The following TSC1 variants were observed in gnomAD, a reference collection of about 807,000 sequenced individuals.
The protein encoded by TSC1 is hamartin.
In TSC1, 20 loss-of-function variants were observed where a neutral mutation model predicts 124.3. That is an observed-to-expected ratio of 0.16 (90% confidence interval 0.11 to 0.23). TSC1 has a LOEUF of 0.23. Ranked by LOEUF, TSC1 falls within the 10% of genes least tolerant of loss-of-function variation. TSC1 has a pLI of 1.00. For missense variants in TSC1, 1,124 were observed against 1,448.5 expected, an observed-to-expected ratio of 0.78 and a Z score of 3.64; for synonymous variants, 493 against 539.1, an observed-to-expected ratio of 0.91 and a Z score of 1.19.
rs35234317 is a variant in TSC1 at position 132,908,901 on chromosome 9, C to CTTTTTTTTTTTTTTTTTTTTTTTTTTTT, written c.1264-1532_1264-1531insAAAAAAAAAAAAAAAAAAAAAAAAAAAA. Among the ~76,000 whole-genome samples, 260 of 121,436 alleles carry CTTTTTTTTTTTTTTTTTTTTTTTTTTTT rather than the reference C, an allele frequency of 2.1e-3. 12 individuals are homozygous for CTTTTTTTTTTTTTTTTTTTTTTTTTTTT. Among genetic ancestry groups the CTTTTTTTTTTTTTTTTTTTTTTTTTTTT allele is most frequent in the African/African-American group, 2.7e-3 (81 of 30,136 alleles). The allele number at this position is 121,436 out of a possible 152,430, so 79.7% of individuals were successfully genotyped here. A position where few individuals can be genotyped will look rare whatever the true frequency, so the allele number is the denominator to read the frequency against. On this transcript the variant is annotated intron_variant, in intron 12 of 22. Transcript: ENST00000298552. ...TTAAAACCCACTAGTCTACCTTGCACTTTTTTTTTTTTTTTTTGTGACAGT... is the reference window on the plus strand; with the variant it reads ...TTAAAACCCACTAGTCTACCTTGCACTTTTTTTTTTTTTTTTTTTTTTTTTTTTTTTTTTTTTTTTTTTTTGTGACAGT...
At position 132,917,077 on chromosome 9, in the gene TSC1, T is replaced by A. The variant is rs531684523; in HGVS notation, c.737+4286A>T. Among the ~76,000 whole-genome samples the A allele has an allele frequency of 1.9e-4, 29 of 152,322 alleles. 1 individual carries two copies. Among genetic ancestry groups the A allele is most frequent in the African/African-American group, 6.7e-4 (28 of 41,568 alleles). ...AGTTGAAAACCTTTTTCTCTCAATT[T>A]TGAAGGTATTTCAGAAGCTAACAGC... is the stretch of plus-strand genomic sequence containing the variant. On this transcript the variant is annotated intron_variant, in intron 8 of 22. Transcript: ENST00000298552.
intron 12 of TSC1, among the ~76,000 whole-genome samples, chr9:132,908,747 CAA>C (rs1178570820): frequency 6.6e-6 from 1 of 151,492 alleles, no homozygotes; most frequent in Non-Finnish European, 1.5e-5. Context: ...CGCCCAGCCG[CAA>C]AAAGTAAACG....
At position 132,925,748 on chromosome 9, in the gene TSC1, G is replaced by A. The variant is rs2132240309; in HGVS notation, c.211-9C>T. 1 of 1,614,182 alleles carries A rather than the reference G, an allele frequency of 6.2e-7. No homozygotes were observed. Among genetic ancestry groups the A allele is most frequent in the South Asian group, 1.1e-5 (1 of 91,080 alleles). Reference sequence around the variant, plus strand: ...ATCCTGTCCAAGAGGTGCTGAAAATGTAAAAGAACAAGGGCAGTCCTCACA... The same window carrying A: ...ATCCTGTCCAAGAGGTGCTGAAAATATAAAAGAACAAGGGCAGTCCTCACA... On this transcript the variant is annotated splice_polypyrimidine_tract_variant and intron_variant, in intron 4 of 22. Coordinates refer to ENST00000298552, the MANE Select transcript of TSC1 (RefSeq NM_000368.5).
rs2132272238 is a variant in TSC1 at position 132,927,324 on chromosome 9, A to T, written c.107-20T>A. 1 of 1,607,722 alleles carries T rather than the reference A, an allele frequency of 6.2e-7. No individual in the cohort carries two copies. Among genetic ancestry groups the T allele is most frequent in the Non-Finnish European group, 8.5e-7 (1 of 1,175,256 alleles). On this transcript the variant is annotated intron_variant, in intron 3 of 22. Transcript: ENST00000298552. ...CACGGTCTAAATCAAGAAAAGGGCA[A>T]TGGATGATACTTATTCCCCTTAACA...
intron 1 of TSC1, among the ~76,000 whole-genome samples, chr9:132,935,856 C>A (rs1237051301): frequency 1.3e-5 from 2 of 152,198 alleles, no homozygotes; most frequent in African/African-American, 2.4e-5. Flanking sequence ...TCAGAGAAGA[C>A]CTCCTAGGCC....
intron 18 of TSC1, 39 bp from the exon 19 acceptor site, chr9:132,901,738 C>T (rs2131712703): frequency 6.3e-7 from 1 of 1,596,134 alleles, no homozygotes; most frequent in Non-Finnish European, 8.6e-7. Flanking sequence ...TGAGGAACAC[C>T]AACAGGCCAG....
rs768974460 is a variant in TSC1, at chr9:132,906,705, A to T, written c.1438+26T>A. The T allele has an allele frequency of 1.3e-6, 2 of 1,586,806 alleles. No individual in the cohort carries two copies. The highest frequency in any genetic ancestry group is 8.6e-7 in the Non-Finnish European group (1 of 1,158,000). Reference sequence around the variant, plus strand: ...GCAGAGCGAGGGTCAGGTTTTATCAACTCATAGCAATCCCACATACATTAC... The same window carrying T: ...GCAGAGCGAGGGTCAGGTTTTATCATCTCATAGCAATCCCACATACATTAC... On this transcript the variant is annotated intron_variant, in intron 14 of 22. Transcript: ENST00000298552. This position sits in a 1 kb window ranked among gnomAD's most constrained non-coding sequence, Gnocchi z 4.1.
intron 1 of TSC1, among the ~76,000 whole-genome samples, chr9:132,937,871 T>C (rs934134874): frequency 7.2e-5 from 11 of 152,088 alleles, no homozygotes; most frequent in Admixed American, 2.0e-4. Context: ...CGCACCACCA[T>C]GCCCAACTAA....
In TSC1 at chr9:132,923,667, A is replaced by G; in HGVS notation, c.364-175T>C. 1.2e-6 allele frequency: 1 copy of G among 864,472 alleles called. No homozygotes were observed. Among genetic ancestry groups the G allele is most frequent in the Non-Finnish European group, 1.8e-6 (1 of 550,856 alleles). 53.6% of individuals were successfully genotyped at this position (864,472 alleles called of 1,614,324 possible). On this transcript the variant is annotated intron_variant, in intron 5 of 22. Coordinates refer to ENST00000298552, the MANE Select transcript of TSC1 (RefSeq NM_000368.5). This position sits in a 1 kb window ranked among gnomAD's most constrained non-coding sequence, Gnocchi z 4.2. Reference sequence around the variant, plus strand: ...GAAGGGATAACATTCAAACAGACTCAACAGAACACTGAGCCCCAACTCTAC... The same window carrying G: ...GAAGGGATAACATTCAAACAGACTCGACAGAACACTGAGCCCCAACTCTAC...
chr9:132,923,900 C>G lies in TSC1; in HGVS notation c.364-408G>C, dbSNP rs984449946. 6.7e-6 allele frequency among the ~76,000 whole-genome samples: 1 copy of G among 150,056 alleles called. No homozygotes were observed. The highest frequency in any genetic ancestry group is 2.5e-5 in the African/African-American group (1 of 40,316). On this transcript the variant is annotated intron_variant, in intron 5 of 22. Transcript: ENST00000298552. This position sits in a 1 kb window ranked among gnomAD's most constrained non-coding sequence, Gnocchi z 4.2. ...ATTCAACCAAATCCTAAGATACTTA[C>G]TTTTTGTTAATTAAAAAAAAAAAAA...
intron 8 of TSC1, among the ~76,000 whole-genome samples, chr9:132,915,190 G>C (rs1564492678): frequency 6.9e-6 from 1 of 144,782 alleles, no homozygotes; most frequent in African/African-American, 2.5e-5. Context: ...GTCTCAGGAA[G>C]AAAAAAAAAA....
Position 132,928,755 on chromosome 9 carries a change from T to A in TSC1, c.106+12A>T. ...CTAGAAGATAAGCTAAAAAGGATATTATTTTGCTAACCAGAATTGAGGTTC... is the reference window on the plus strand; with the variant it reads ...CTAGAAGATAAGCTAAAAAGGATATAATTTTGCTAACCAGAATTGAGGTTC... On this transcript the variant is annotated intron_variant, in intron 3 of 22. Coordinates refer to ENST00000298552, the MANE Select transcript of TSC1 (RefSeq NM_000368.5). 1 of 1,613,942 alleles carries A rather than the reference T, an allele frequency of 6.2e-7. No homozygotes were observed. The highest frequency in any genetic ancestry group is 8.5e-7 in the Non-Finnish European group (1 of 1,179,978).
In TSC1 at chr9:132,905,830, G is replaced by A. The variant is rs2131827057; in HGVS notation, c.1748C>T (p.Pro583Leu). The A allele has an allele frequency of 6.2e-7, 1 of 1,614,130 alleles. No individual in the cohort carries two copies. Among genetic ancestry groups the A allele is most frequent in the Non-Finnish European group, 8.5e-7 (1 of 1,179,968 alleles). The stretch of plus-strand genomic sequence containing the variant: ...CGGAGGTGGAATTTTACAAGGACTG[G>A]GAGTGAAGATACTGGTCTCCAAAGA... ...QTSLETSIFTPSPCKIPPPTR... is the reference protein window; with the variant it reads ...QTSLETSIFTLSPCKIPPPTR... The change falls in exon 15 of 23, where the codon CCC becomes CTC. Residue 583 changes from proline to leucine, a missense_variant. Physicochemically the swap from Pro to Leu is moderately conservative, Grantham distance 98. Transcript: ENST00000298552.
intron 2 of TSC1, 58 bp from the exon 3 acceptor site, chr9:132,929,010 G>A (rs1847053238): frequency 1.4e-6 from 2 of 1,444,938 alleles, no homozygotes; most frequent in Admixed American, 2.3e-5. Context: ...CATAAAAAAA[G>A]AAAATACCTG....
intron 5 of TSC1, among the ~76,000 whole-genome samples, chr9:132,924,060 A>AC (rs1409816438): frequency 1.3e-5 from 1 of 78,294 alleles, no homozygotes; most frequent in African/African-American, 4.1e-5. Context: ...CAGTAAATTA[A>AC]AATATATATA....
rs962308812 is a variant in TSC1, at chr9:132,903,211, C to A, written c.2209-424G>T. ...AGAGCAGGTGCTGCTATTGTTATTT[C>A]CATTTTATAGCATGGCTAACAGAGG... On this transcript the variant is annotated intron_variant, in intron 17 of 22. Coordinates refer to ENST00000298552, the MANE Select transcript of TSC1 (RefSeq NM_000368.5). The surrounding 1 kb of genome is among the most constrained non-coding windows in gnomAD (Gnocchi z 5.9). Among the ~76,000 whole-genome samples, 1 of 152,170 alleles carries A rather than the reference C, an allele frequency of 6.6e-6. No homozygotes were observed. The highest frequency in any genetic ancestry group is 2.4e-5 in the African/African-American group (1 of 41,436).
chr9:132,900,597 G>A, intron 20 of TSC1, 118 bp downstream of exon 20: 1 of 1,536,442 alleles, frequency 6.5e-7, no homozygotes, highest in Non-Finnish European at 9.0e-7. Context: ...TAGTGGGACT[G>A]CCGCTCCGTC....
At chr9:132,918,487 C>T (rs1846377476) in intron 8 of TSC1, among the ~76,000 whole-genome samples, 1 of 152,204 alleles carries the variant, frequency 6.6e-6, no homozygotes, top group Non-Finnish European at 1.5e-5. Context: ...CAGCTCTTTT[C>T]TCACCAGAAA....
intron 1 of TSC1, among the ~76,000 whole-genome samples, chr9:132,940,124 A>G (rs896023888): frequency 6.6e-6 from 1 of 152,216 alleles, no homozygotes; most frequent in African/African-American, 2.4e-5. Context: ...GCCAAGCCTG[A>G]CAAGCACGTA....
Sources: gnomAD v4.1 joint callset for allele counts (sites outside exome capture counted in the v4.1 genomes callset) on GRCh38, gnomAD v4.1.1 for gene constraint, Gnocchi (gnomAD v3.1) non-coding constraint, MANE v1.5 for transcripts, NCBI Gene and HGNC (gene_info 2026-07-23, HGNC 2026-07-21) for gene names.